Variants in ITPR2 observed in about 807,000 individuals in gnomAD.
The protein encoded by ITPR2 is inositol 1,4,5-trisphosphate receptor type 2.
In ITPR2, 207 loss-of-function variants were observed where a neutral mutation model predicts 317.1. The ratio of observed to expected loss-of-function variants is 0.65; its 90% CI spans 0.58 to 0.73. ITPR2 has a LOEUF of 0.73. ITPR2 is among the 30% of genes least tolerant of loss of function. ITPR2 has a pLI of 0.00. For missense variants in ITPR2, 2,613 were observed against 3,284.0 expected, an observed-to-expected ratio of 0.80 and a Z score of 4.99; for synonymous variants, 1,156 against 1,149.1, an observed-to-expected ratio of 1.01 and a Z score of -0.12.
intron 37 of ITPR2, among the ~76,000 whole-genome samples, chr12:26,503,121 TGAGACGA>T (rs1199906182): frequency 1.3e-5 from 2 of 149,958 alleles, no homozygotes; most frequent in African/African-American, 4.9e-5. Context: ...CACAGGGCAG[TGAGACGA>T]GTGCATGGCT....
chr12:26,505,071 T>G (rs1220351864), intron 37 of ITPR2, among the ~76,000 whole-genome samples: 1 of 152,202 alleles, frequency 6.6e-6, no homozygotes, highest in Non-Finnish European at 1.5e-5. Flanking sequence ...AATGTTCTCA[T>G]TCTTCATTTG....
At chr12:26,703,704 G>A (rs1948498006) in intron 9 of ITPR2, among the ~76,000 whole-genome samples, 1 of 152,078 alleles carries the variant, frequency 6.6e-6, no homozygotes. Context: ...CTGTGAGCCT[G>A]GATTTCTTTT....
chr12:26,814,335 A>G (rs1950811740), intron 1 of ITPR2, among the ~76,000 whole-genome samples: 2 of 152,210 alleles, frequency 1.3e-5, no homozygotes, highest in South Asian at 2.1e-4. Context: ...CACTTTTGCA[A>G]CCAAAAAGCA....
intron 54 of ITPR2, among the ~76,000 whole-genome samples, chr12:26,390,429 G>A (rs112961705): frequency 1.4e-3 from 214 of 152,266 alleles, no homozygotes; most frequent in African/African-American, 4.6e-3. Flanking sequence ...CAATAAAAAG[G>A]AACGAAGTAC....
rs552753421 is a variant in ITPR2 at position 26,495,563 on chromosome 12, A to C, written c.5074-303T>G. The C allele has an allele frequency of 5.7e-5, 12 of 209,944 alleles. No homozygotes were observed. In the East Asian group the frequency reaches 1.1e-3, roughly 19 times the overall value. 13.0% of individuals were successfully genotyped at this position (209,944 alleles called of 1,614,324 possible). On this transcript the variant is annotated intron_variant, in intron 37 of 56. Transcript: ENST00000381340. Reference sequence around the variant, plus strand: ...CTTATCTCCAAACTCATCAAGTTGAAGACATTAAATATGTACAGCTTTTTG... The same window carrying C: ...CTTATCTCCAAACTCATCAAGTTGACGACATTAAATATGTACAGCTTTTTG...
intron 1 of ITPR2, among the ~76,000 whole-genome samples, chr12:26,818,397 C>A (rs1168431679): frequency 6.6e-6 from 1 of 152,154 alleles, no homozygotes; most frequent in African/African-American, 2.4e-5. Context: ...TGAAAGGATC[C>A]ATTTGGTTTC....
intron 10 of ITPR2, among the ~76,000 whole-genome samples, chr12:26,686,981 G>T (rs1242636412): frequency 6.6e-6 from 1 of 152,198 alleles, no homozygotes; most frequent in African/African-American, 2.4e-5. Flanking sequence ...GAGCCCGTGT[G>T]TTGAATCATC....
At chr12:26,476,440 T>C (rs1418061680) in intron 44 of ITPR2, among the ~76,000 whole-genome samples, 3 of 152,240 alleles carry the variant, frequency 2.0e-5, no homozygotes, top group Non-Finnish European at 4.4e-5. Flanking sequence ...GTGGAATCTC[T>C]ACTAGAGTAT....
intron 2 of ITPR2, among the ~76,000 whole-genome samples, chr12:26,784,126 C>T (rs1314048824): frequency 6.6e-6 from 1 of 152,052 alleles, no homozygotes. Flanking sequence ...TTAGTTTAAA[C>T]TAATGTCCCC....
chr12:26,625,070 A>C (rs966227144), intron 23 of ITPR2, among the ~76,000 whole-genome samples: 4 of 152,180 alleles, frequency 2.6e-5, no homozygotes, highest in Non-Finnish European at 5.9e-5. Context: ...CATTATGTTA[A>C]ATGAAATTAG....
In ITPR2 at chr12:26,420,422, T is replaced by C. The variant is rs1050729760; in HGVS notation, c.6946-1209A>G. On this transcript the variant is annotated intron_variant, in intron 49 of 56. Coordinates refer to ENST00000381340, the MANE Select transcript of ITPR2 (RefSeq NM_002223.4). ...TTTTTAAATAACATAAGAAGGACCA[T>C]AACACTTTGAAGTAGATGTAAAATT... Among the ~76,000 whole-genome samples the C allele has an allele frequency of 2.6e-5, 4 of 152,184 alleles. No individual in the cohort carries two copies. In the East Asian group the frequency reaches 7.7e-4, roughly 29 times the overall value.
At chr12:26,403,911 T>C (rs1482905430) in intron 52 of ITPR2, among the ~76,000 whole-genome samples, 2 of 152,178 alleles carry the variant, frequency 1.3e-5, no homozygotes, top group Non-Finnish European at 2.9e-5. Context: ...GCTGGAGCGA[T>C]AAACTGGGAG....
At chr12:26,433,219 C>T (rs1941261549) in intron 48 of ITPR2, among the ~76,000 whole-genome samples, 1 of 152,118 alleles carries the variant, frequency 6.6e-6, no homozygotes, top group African/African-American at 2.4e-5. Context: ...GCAGCTCATG[C>T]CTTCCCTTCC....
At chr12:26,541,303 G>A (rs969675235) in intron 37 of ITPR2, among the ~76,000 whole-genome samples, 1 of 152,094 alleles carries the variant, frequency 6.6e-6, no homozygotes, top group Non-Finnish European at 1.5e-5. Flanking sequence ...GGTGACAAGA[G>A]TGAAACTCCA....
At chr12:26,354,426 T>C (rs1446504055) in intron 55 of ITPR2, among the ~76,000 whole-genome samples, 3 of 152,194 alleles carry the variant, frequency 2.0e-5, no homozygotes, top group African/African-American at 7.2e-5. Context: ...TGATGAAACC[T>C]TAAAATTACA....
chr12:26,494,969 G>A (rs1193627560), intron 38 of ITPR2, among the ~76,000 whole-genome samples, 183 bp downstream of exon 38: 2 of 152,024 alleles, frequency 1.3e-5, no homozygotes. Context: ...AGGTCAAAAA[G>A]CAAAATCAAT....
At chr12:26,510,652 C>T (rs973714871) in intron 37 of ITPR2, among the ~76,000 whole-genome samples, 1 of 152,040 alleles carries the variant, frequency 6.6e-6, no homozygotes, top group African/African-American at 2.4e-5. Flanking sequence ...CAGGAGGACC[C>T]GCAGGAGTAA....
intron 2 of ITPR2, among the ~76,000 whole-genome samples, chr12:26,759,118 G>A (rs564607530): frequency 4.6e-4 from 70 of 152,246 alleles, no homozygotes; most frequent in African/African-American, 1.7e-3. Flanking sequence ...ATAAATGAAT[G>A]ATACATGCAC....
chr12:26,420,506 G>A (rs1940855867), intron 49 of ITPR2, among the ~76,000 whole-genome samples: 1 of 152,098 alleles, frequency 6.6e-6, no homozygotes, highest in South Asian at 2.1e-4. Flanking sequence ...TACAGATGAA[G>A]TGAGAAATGG....
Sources: gnomAD v4.1 joint callset for allele counts (sites outside exome capture counted in the v4.1 genomes callset) on GRCh38, gnomAD v4.1.1 for gene constraint, MANE v1.5 for transcripts, NCBI Gene and HGNC (gene_info 2026-07-23, HGNC 2026-07-21) for gene names.